Variants in DPP4 observed in about 807,000 individuals in gnomAD.
DPP4 encodes the protein dipeptidyl peptidase 4.
Under a neutral mutation model 122.4 loss-of-function variants are expected in DPP4, and 93 were observed. The observed-to-expected ratio is 0.76, with a 90% CI of 0.64 to 0.90. DPP4 has a LOEUF of 0.90. Ranked by LOEUF, DPP4 falls within the 40% of genes least tolerant of loss-of-function variation. The pLI is 0.00. For missense variants in DPP4, 914 were observed against 907.3 expected (o/e 1.01, Z -0.09); for synonymous variants, 321 against 302.9 (o/e 1.06, Z -0.62).
intron 10 of DPP4, among the ~76,000 whole-genome samples, chr2:162,026,214 C>T (rs1683327008): frequency 6.6e-6 from 1 of 152,064 alleles, no homozygotes; most frequent in Admixed American, 6.5e-5. Flanking sequence ...TGGATAAAGC[C>T]CTTTAAGCCC....
At chr2:162,022,587 T>C (rs951406134) in intron 12 of DPP4, among the ~76,000 whole-genome samples, 168 bp downstream of exon 12, 4 of 152,160 alleles carry the variant, frequency 2.6e-5, no homozygotes, top group Admixed American at 1.3e-4. Flanking sequence ...TGTTATATAT[T>C]CTCTACAAAA....
At chr2:161,999,958 G>A (rs191535840) in intron 23 of DPP4, among the ~76,000 whole-genome samples, 1 of 152,122 alleles carries the variant, frequency 6.6e-6, no homozygotes, top group East Asian at 1.9e-4. Context: ...AGGTTAAGTA[G>A]CCTCCTCAAA....
chr2:162,040,474 T>C (rs983125978), intron 5 of DPP4, among the ~76,000 whole-genome samples: 7 of 152,072 alleles, frequency 4.6e-5, no homozygotes, highest in African/African-American at 1.7e-4. Context: ...TTACATATTG[T>C]ATGATTCCAA....
chr2:162,064,974 T>C (rs1684900799), intron 2 of DPP4, among the ~76,000 whole-genome samples: 1 of 152,222 alleles, frequency 6.6e-6, no homozygotes, highest in African/African-American at 2.4e-5. Flanking sequence ...AAGAGAGCAA[T>C]AACCAAATAC....
intron 12 of DPP4, among the ~76,000 whole-genome samples, chr2:162,020,990 A>G (rs1006112778): frequency 6.6e-6 from 1 of 152,216 alleles, no homozygotes; most frequent in African/African-American, 2.4e-5. Context: ...GATGATAACT[A>G]TGACTTCTGG....
chr2:162,037,824 T>C (rs1683830600), intron 8 of DPP4, among the ~76,000 whole-genome samples: 1 of 152,200 alleles, frequency 6.6e-6, no homozygotes, highest in African/African-American at 2.4e-5. Context: ...CAGGAAATCA[T>C]AATTTGTCCA....
At chr2:162,073,254 GCAA>G (rs1163602828) in intron 2 of DPP4, 142 bp downstream of exon 2, 14 of 727,728 alleles carry the variant, frequency 1.9e-5, no homozygotes, top group South Asian at 5.2e-5. Flanking sequence ...TCTACAAGCA[GCAA>G]CAACAACTGG....
Position 162,020,603 on chromosome 2 carries a change from C to T in DPP4, c.1154G>A (p.Cys385Tyr). The T allele has an allele frequency of 6.2e-7, 1 of 1,607,846 alleles. No homozygotes were observed. Among genetic ancestry groups the T allele is most frequent in the Non-Finnish European group, 8.5e-7 (1 of 1,178,234 alleles). Residue 385 changes from cysteine to tyrosine, a missense_variant, in exon 13 of 26, where the codon TGC becomes TAC. Transcript: ENST00000360534. ...ISNEEGYRHI[C>Y]YFQIDKKDCT... ...CACTTTTTTATCTATTTGGAAATAG[C>T]AAATGTGTCTGTAACCTTCTTCATT...
intron 11 of DPP4, among the ~76,000 whole-genome samples, chr2:162,023,479 T>TC (rs1289527091): frequency 6.6e-6 from 1 of 152,050 alleles, no homozygotes; most frequent in East Asian, 1.9e-4. Flanking sequence ...ACTACACCTC[T>TC]CCCCCAGTCC....
intron 18 of DPP4, among the ~76,000 whole-genome samples, chr2:162,015,353 A>G (rs567769020): frequency 6.6e-6 from 1 of 152,322 alleles, no homozygotes; most frequent in East Asian, 1.9e-4. Context: ...TTTATCTTCA[A>G]TTTATATTTT....
chr2:162,032,967 G>A (rs1199103094), intron 10 of DPP4, among the ~76,000 whole-genome samples: 1 of 152,100 alleles, frequency 6.6e-6, no homozygotes, highest in Non-Finnish European at 1.5e-5. Flanking sequence ...AAGGCTCTTT[G>A]GGACCTGACC....
In DPP4 at chr2:162,023,520, C is replaced by T. The variant is rs571995294; in HGVS notation, c.1024-721G>A. Among the ~76,000 whole-genome samples the T allele has an allele frequency of 4.6e-5, 7 of 152,352 alleles. No homozygotes were observed. The East Asian group carries it at 1.2e-3, about 25-fold the overall frequency. ...TCCTGCATGTTCCAAGCTATTCACA[C>T]TGGATGCCTTTGCACAGCCCTCTGC... On this transcript the variant is annotated intron_variant, in intron 11 of 25. Coordinates refer to ENST00000360534, the MANE Select transcript of DPP4 (RefSeq NM_001935.4).
intron 21 of DPP4, 73 bp downstream of exon 21, chr2:162,009,168 C>A: frequency 1.3e-6 from 2 of 1,492,032 alleles, no homozygotes; most frequent in Non-Finnish European, 1.9e-6. Context: ...TATGTATATA[C>A]AAAAGATAAA....
intron 10 of DPP4, among the ~76,000 whole-genome samples, chr2:162,030,649 G>C (rs533067114): frequency 3.3e-5 from 5 of 152,192 alleles, no homozygotes; most frequent in East Asian, 3.9e-4. Context: ...TCATGTACTA[G>C]AGCATTTTTC....
chr2:161,992,392 C>T lies in DPP4; in HGVS notation c.*891G>A, dbSNP rs545949601. On this transcript the variant is annotated 3_prime_UTR_variant, in exon 26 of 26. Transcript: ENST00000360534. ...TTAAAATATTCTTTTAATTAAGACA[C>T]TCAAAGAAATGAAATAAGAAAAATT... The T allele has an allele frequency of 6.6e-6, 1 of 152,648 alleles. No homozygotes were observed. Among genetic ancestry groups the T allele is most frequent in the Non-Finnish European group, 1.5e-5 (1 of 68,008 alleles). The allele number at this position is 152,648 out of a possible 1,614,324, so 9.5% of individuals were successfully genotyped here.
intron 8 of DPP4, among the ~76,000 whole-genome samples, chr2:162,035,640 G>T (rs1303139582): frequency 6.6e-6 from 1 of 152,008 alleles, no homozygotes; most frequent in Non-Finnish European, 1.5e-5. Flanking sequence ...CATACTAAAA[G>T]TAAATTTCAC....
chr2:162,009,530 T>G (rs1701367520), intron 20 of DPP4, among the ~76,000 whole-genome samples: 1 of 149,970 alleles, frequency 6.7e-6, no homozygotes, highest in African/African-American at 2.5e-5. Context: ...TGTGTGTGTG[T>G]GTGTGTGTGT....
Position 162,047,480 on chromosome 2 carries a change from C to A in DPP4, c.116G>T (p.Ser39Ile). ...NKGTDDATAD[S>I]RKTYTLTDYL... Reference sequence around the variant, plus strand: ...ATCAGTTAGAGTGTAAGTTTTGCGACTGTCAGCTGTAGCATCATCTGCTGG... The same window carrying A: ...ATCAGTTAGAGTGTAAGTTTTGCGAATGTCAGCTGTAGCATCATCTGCTGG... Residue 39 changes from serine (S) to isoleucine (I), a missense_variant, in exon 3 of 26, where the codon AGT becomes ATT. Ser to Ile is a moderately radical substitution (Grantham distance 142, BLOSUM62 -2). Coordinates refer to ENST00000360534, the MANE Select transcript of DPP4 (RefSeq NM_001935.4). The A allele has an allele frequency of 6.3e-7, 1 of 1,578,746 alleles. No homozygotes were observed.
At chr2:162,013,111 C>G (rs1442247490) in intron 19 of DPP4, among the ~76,000 whole-genome samples, 1 of 148,718 alleles carries the variant, frequency 6.7e-6, no homozygotes, top group African/African-American at 2.5e-5. Flanking sequence ...GTTCCCTAAC[C>G]CCAAGATTAA....
Sources: allele counts gnomAD v4.1 joint callset (sites outside exome capture counted in the v4.1 genomes callset), GRCh38; gene constraint gnomAD v4.1.1; transcripts MANE v1.5; gene names NCBI Gene and HGNC (gene_info 2026-07-23, HGNC 2026-07-21).